Variants in MACROD2 observed in about 807,000 individuals in gnomAD.
MACROD2 encodes the protein mono-ADP ribosylhydrolase 2, also known as ADP-ribose glycohydrolase MACROD2.
In MACROD2, 36 loss-of-function variants were observed where a neutral mutation model predicts 70.4. The observed-to-expected ratio is 0.51, with a 90% CI of 0.39 to 0.68. The LOEUF (loss-of-function observed/expected upper bound fraction) is 0.68, where lower values mean the gene tolerates loss of function less well. Ranked by LOEUF, MACROD2 falls within the 30% of genes least tolerant of loss-of-function variation. The pLI is 0.00. For synonymous variants in MACROD2, 172 were observed against 178.8 expected, an observed-to-expected ratio of 0.96 and a Z score of 0.30; for missense variants, 496 against 538.4, an observed-to-expected ratio of 0.92 and a Z score of 0.78.
intron 6 of MACROD2, among the ~76,000 whole-genome samples, chr20:15,335,572 G>A (rs563379009): frequency 3.3e-5 from 5 of 151,480 alleles, no homozygotes; most frequent in African/African-American, 1.2e-4. Context: ...GTCCTACTAG[G>A]CATGTAAATA....
intron 3 of MACROD2, among the ~76,000 whole-genome samples, chr20:14,101,437 T>G (rs1385123536): frequency 6.6e-6 from 1 of 152,076 alleles, no homozygotes; most frequent in Non-Finnish European, 1.5e-5. Context: ...TATAAAATTA[T>G]AATTATGTAA....
intron 4 of MACROD2, among the ~76,000 whole-genome samples, chr20:14,527,377 C>A (rs184585116): frequency 6.6e-6 from 1 of 152,218 alleles, no homozygotes; most frequent in East Asian, 1.9e-4. Flanking sequence ...ACGGGTGGAA[C>A]CCTAGCCAGG....
intron 5 of MACROD2, among the ~76,000 whole-genome samples, chr20:14,873,096 A>T (rs2073508545): frequency 6.6e-6 from 1 of 152,192 alleles, no homozygotes; most frequent in South Asian, 2.1e-4. Flanking sequence ...AGGTGGGAAC[A>T]CAAAGCCTGA....
At chr20:15,885,937 A>G in intron 10 of MACROD2, 126 bp downstream of exon 10, 1 of 1,093,260 alleles carries the variant, frequency 9.1e-7, no homozygotes, top group Non-Finnish European at 1.2e-6. Context: ...GCTCAGTGTT[A>G]TAAAATTAAA....
intron 2 of MACROD2, among the ~76,000 whole-genome samples, chr20:14,066,195 A>AG (rs2053755021): frequency 6.6e-6 from 1 of 152,218 alleles, no homozygotes; most frequent in African/African-American, 2.4e-5. Flanking sequence ...GTGATACTGT[A>AG]AATAACTCCA....
intron 6 of MACROD2, among the ~76,000 whole-genome samples, chr20:15,364,423 C>G (rs1490355594): frequency 1.3e-5 from 2 of 152,146 alleles, no homozygotes; most frequent in African/African-American, 4.8e-5. Context: ...TTGTATAGAC[C>G]CAGGTATGCC....
chr20:15,736,133 G>A (rs2051017059), intron 8 of MACROD2, among the ~76,000 whole-genome samples: 1 of 152,054 alleles, frequency 6.6e-6, no homozygotes, highest in Non-Finnish European at 1.5e-5. Context: ...CAGCTATTGT[G>A]GACACTAAAT....
At chr20:14,054,439 G>A (rs187485758) in intron 2 of MACROD2, among the ~76,000 whole-genome samples, 2 of 152,156 alleles carry the variant, frequency 1.3e-5, no homozygotes, top group Non-Finnish European at 2.9e-5. Flanking sequence ...AGCAGAGGTA[G>A]CTAGCACACA....
intron 3 of MACROD2, among the ~76,000 whole-genome samples, chr20:14,178,915 G>T (rs1285665256): frequency 6.6e-6 from 1 of 151,980 alleles, no homozygotes; most frequent in Admixed American, 6.6e-5. Context: ...AAGAGTATAA[G>T]AGCAAAAGCT....
chr20:15,877,225 C>T (rs1419459253), intron 9 of MACROD2, among the ~76,000 whole-genome samples: 3 of 152,174 alleles, frequency 2.0e-5, no homozygotes, highest in Non-Finnish European at 4.4e-5. Flanking sequence ...GTCTCTCAGG[C>T]GTCTTCAACT....
At chr20:14,599,951 A>T in intron 4 of MACROD2, among the ~76,000 whole-genome samples, 1 of 152,108 alleles carries the variant, frequency 6.6e-6, no homozygotes, top group East Asian at 1.9e-4. Flanking sequence ...AGGACTGTGA[A>T]TTGAATTAAG....
chr20:15,472,482 G>A (rs1327503728), intron 7 of MACROD2, among the ~76,000 whole-genome samples: 1 of 152,016 alleles, frequency 6.6e-6, no homozygotes, highest in Non-Finnish European at 1.5e-5. Flanking sequence ...GATTTACTTT[G>A]TCTAATACTA....
intron 5 of MACROD2, among the ~76,000 whole-genome samples, chr20:14,911,403 G>A (rs2074025831): frequency 6.6e-6 from 1 of 151,948 alleles, no homozygotes; most frequent in Admixed American, 6.6e-5. Context: ...CTAGAGATAG[G>A]GTCTTGCTCT....
At chr20:14,127,580 A>G in intron 3 of MACROD2, 1 of 475,212 alleles carries the variant, frequency 2.1e-6, no homozygotes, top group Non-Finnish European at 4.0e-6. Context: ...AACTTTGAGT[A>G]GGAAACTGAA....
intron 5 of MACROD2, among the ~76,000 whole-genome samples, chr20:14,740,257 G>A (rs2071717321): frequency 6.6e-6 from 1 of 152,030 alleles, no homozygotes; most frequent in South Asian, 2.1e-4. Flanking sequence ...TTTACAGATG[G>A]AAAATCTGAG....
At chr20:15,933,583 G>A (rs1333224439) in intron 11 of MACROD2, among the ~76,000 whole-genome samples, 1 of 152,152 alleles carries the variant, frequency 6.6e-6, no homozygotes, top group Non-Finnish European at 1.5e-5. Flanking sequence ...AGTTTGCCTG[G>A]CAAAGCTCTA....
chr20:14,719,179 C>A (rs909759458), intron 5 of MACROD2, among the ~76,000 whole-genome samples: 1 of 151,634 alleles, frequency 6.6e-6, no homozygotes, highest in Non-Finnish European at 1.5e-5. Flanking sequence ...TTGCAGTGAG[C>A]GAGATCGCGC....
At chr20:15,063,447 G>C (rs4814334) in intron 5 of MACROD2, among the ~76,000 whole-genome samples, 26,383 of 152,090 alleles carry the variant, frequency 0.17, 2,688 homozygotes, top group East Asian at 0.32. Flanking sequence ...TGTAATAAAA[G>C]AAGCCTGCCT....
intron 3 of MACROD2, among the ~76,000 whole-genome samples, chr20:14,118,549 C>T (rs1476608609): frequency 6.6e-6 from 1 of 152,162 alleles, no homozygotes; most frequent in Non-Finnish European, 1.5e-5. Context: ...TCTTATATTT[C>T]AACACGAATG....
Sources: allele counts gnomAD v4.1 joint callset (sites outside exome capture counted in the v4.1 genomes callset), GRCh38; gene constraint gnomAD v4.1.1; transcripts MANE v1.5; gene names NCBI Gene and HGNC (gene_info 2026-07-23, HGNC 2026-07-21).